The following KCNIP3 variants were observed in gnomAD, a reference collection of about 807,000 sequenced individuals.
KCNIP3 encodes calsenilin.
KCNIP3 carries 28 observed loss-of-function variants against 35.0 expected under a neutral mutation model. The observed-to-expected ratio is 0.80, with a 90% CI of 0.59 to 1.10. The LOEUF is 1.10. Ranked by LOEUF, KCNIP3 falls within the 50% of genes least tolerant of loss-of-function variation. The pLI, the probability that KCNIP3 is intolerant of heterozygous loss-of-function variation, is 0.00. For synonymous variants in KCNIP3, 134 were observed against 133.8 expected (o/e 1.00, Z -0.01); for missense variants, 295 against 338.4 (o/e 0.87, Z 1.01).
intron 1 of KCNIP3, among the ~76,000 whole-genome samples, chr2:95,299,387 TCA>T: frequency 6.6e-6 from 1 of 152,122 alleles, no homozygotes; most frequent in African/African-American, 2.4e-5. Context: ...TAGTCAGAGC[TCA>T]GGTTGGGAGG....
chr2:95,320,920 C>A (rs1334554709), intron 2 of KCNIP3, among the ~76,000 whole-genome samples: 16 of 130,516 alleles, frequency 1.2e-4, no homozygotes, highest in Non-Finnish European at 2.5e-4. Context: ...CTCCTCCCTG[C>A]CCCCCCAGCC....
At chr2:95,360,837 G>A (rs1267819484) in intron 2 of KCNIP3, among the ~76,000 whole-genome samples, 1 of 152,222 alleles carries the variant, frequency 6.6e-6, no homozygotes, top group African/African-American at 2.4e-5. Context: ...CGTGAGGGTG[G>A]GGCCCTCATG....
intron 2 of KCNIP3, among the ~76,000 whole-genome samples, chr2:95,341,554 G>A (rs1014607336): frequency 2.6e-4 from 40 of 152,242 alleles, no homozygotes; most frequent in South Asian, 1.5e-3. Context: ...TCCCTCTTGC[G>A]TGTCTTGAGA....
At chr2:95,375,109 C>T (rs1425278749) in intron 4 of KCNIP3, 29 bp from the exon 5 acceptor site, 1 of 1,610,546 alleles carries the variant, frequency 6.2e-7, no homozygotes, top group Non-Finnish European at 8.5e-7. Flanking sequence ...AGCCCCGACA[C>T]ACCCCAGCCT....
intron 2 of KCNIP3, among the ~76,000 whole-genome samples, chr2:95,367,455 T>G (rs1254842238): frequency 6.6e-6 from 1 of 152,206 alleles, no homozygotes; most frequent in Non-Finnish European, 1.5e-5. Flanking sequence ...GTGAATCATT[T>G]TGGAGATAAC....
At chr2:95,315,653 C>T (rs1678437081) in intron 2 of KCNIP3, among the ~76,000 whole-genome samples, 1 of 152,270 alleles carries the variant, frequency 6.6e-6, no homozygotes, top group African/African-American at 2.4e-5. Context: ...TGTCCCTTCT[C>T]CACGTCCTTC....
At chr2:95,333,023 G>GT (rs1678971334) in intron 2 of KCNIP3, among the ~76,000 whole-genome samples, 1 of 3,176 alleles carries the variant, frequency 3.1e-4, no homozygotes, top group African/African-American at 1.6e-3. Flanking sequence ...CGTGAGTTCT[G>GT]TGACAGCCTC....
At chr2:95,381,147 C>T (rs968332168) in intron 5 of KCNIP3, among the ~76,000 whole-genome samples, 1 of 152,226 alleles carries the variant, frequency 6.6e-6, no homozygotes, top group African/African-American at 2.4e-5. Context: ...CCAGCGGCAG[C>T]ACTGCATTAA....
intron 2 of KCNIP3, among the ~76,000 whole-genome samples, chr2:95,324,916 C>T (rs1678699561): frequency 6.6e-6 from 1 of 152,070 alleles, no homozygotes; most frequent in African/African-American, 2.4e-5. Flanking sequence ...GTCTCAAAAA[C>T]AAGACAAAAC....
At chr2:95,346,680 G>T (rs945866461) in intron 2 of KCNIP3, 7 of 146,728 alleles carry the variant, frequency 4.8e-5, no homozygotes, top group African/African-American at 1.7e-4. Flanking sequence ...CCCGCGCCGG[G>T]CATGGAGGCG....
chr2:95,306,469 A>G (rs557064826), intron 1 of KCNIP3, among the ~76,000 whole-genome samples: 1 of 152,292 alleles, frequency 6.6e-6, no homozygotes, highest in East Asian at 1.9e-4. Flanking sequence ...AGAGACAGAA[A>G]ACACAATAAT....
chr2:95,305,295 C>G (rs1452878205), intron 1 of KCNIP3, among the ~76,000 whole-genome samples: 10 of 151,996 alleles, frequency 6.6e-5, no homozygotes, highest in African/African-American at 2.4e-4. Context: ...TTAACACCTT[C>G]TTTTTGGGTG....
At chr2:95,320,407 G>C (rs1678563727) in intron 2 of KCNIP3, among the ~76,000 whole-genome samples, 1 of 152,136 alleles carries the variant, frequency 6.6e-6, no homozygotes, top group South Asian at 2.1e-4. Flanking sequence ...GGAGGGGTCG[G>C]GGAGGAGGAG....
chr2:95,318,469 A>G (rs1437192599), intron 2 of KCNIP3, among the ~76,000 whole-genome samples: 1 of 152,204 alleles, frequency 6.6e-6, no homozygotes, highest in African/African-American at 2.4e-5. Context: ...ACCTCCCAAA[A>G]CCTATGAAAC....
At chr2:95,318,588 T>C (rs1678514782) in intron 2 of KCNIP3, among the ~76,000 whole-genome samples, 2 of 152,076 alleles carry the variant, frequency 1.3e-5, no homozygotes, top group African/African-American at 4.8e-5. Flanking sequence ...GCCAGCCAGT[T>C]CCACTCCAGG....
intron 2 of KCNIP3, among the ~76,000 whole-genome samples, chr2:95,338,037 C>T (rs1466192004): frequency 1.3e-5 from 2 of 152,150 alleles, no homozygotes; most frequent in Admixed American, 6.5e-5. Flanking sequence ...GGAGGAGACA[C>T]GGGCCCAAGA....
In KCNIP3 at chr2:95,347,536, G is replaced by A. The variant is rs552683647; in HGVS notation, c.182-26760G>A. ...AGATTTGAGGCCTCTGCCCTGTGAT[G>A]GGGCCTCCCCTTTCGCCCCGCACCT... On this transcript the variant is annotated intron_variant, in intron 2 of 8. Transcript: ENST00000295225. 2.6e-5 allele frequency among the ~76,000 whole-genome samples: 4 copies of A among 152,324 alleles called. No homozygotes were observed. In the South Asian group the frequency reaches 8.3e-4, roughly 32 times the overall value.
chr2:95,335,893 T>C (rs1479086050), intron 2 of KCNIP3, among the ~76,000 whole-genome samples: 2 of 152,212 alleles, frequency 1.3e-5, no homozygotes, highest in African/African-American at 4.8e-5. Flanking sequence ...TCATTTTTAG[T>C]CCATTCACAT....
At chr2:95,353,453 C>T (rs1679577517) in intron 2 of KCNIP3, among the ~76,000 whole-genome samples, 1 of 152,322 alleles carries the variant, frequency 6.6e-6, no homozygotes, top group Middle Eastern at 3.4e-3. Flanking sequence ...GCAGGCCCTG[C>T]CTGGTCGAGC....
Sources: allele counts gnomAD v4.1 joint callset (sites outside exome capture counted in the v4.1 genomes callset), GRCh38; gene constraint gnomAD v4.1.1; transcripts MANE v1.5; gene names NCBI Gene and HGNC (gene_info 2026-07-23, HGNC 2026-07-21).